Variants in KDM4C observed in about 807,000 individuals in gnomAD.
KDM4C encodes lysine demethylase 4C, also known as lysine-specific demethylase 4C.
In KDM4C, 81 loss-of-function variants were observed where a neutral mutation model predicts 129.3. That is an observed-to-expected ratio of 0.63 (90% confidence interval 0.52 to 0.75). KDM4C has a LOEUF of 0.75. KDM4C is among the 30% of genes least tolerant of loss of function. The pLI is 0.00. For synonymous variants in KDM4C, 573 were observed against 456.1 expected, an observed-to-expected ratio of 1.26 and a Z score of -3.26; for missense variants, 1,457 against 1,304.0, an observed-to-expected ratio of 1.12 and a Z score of -1.81.
At chr9:6,757,345 G>A (rs991628909), upstream of KDM4C, among the ~76,000 whole-genome samples, 16 of 152,168 alleles carry the variant, frequency 1.1e-4, no homozygotes, top group African/African-American at 3.6e-4. Context: ...GGCGGGTCGG[G>A]GCGGGACGTG....
chr9:6,833,521 C>A (rs562860402), intron 4 of KDM4C, among the ~76,000 whole-genome samples: 1 of 152,184 alleles, frequency 6.6e-6, no homozygotes, highest in African/African-American at 2.4e-5. Context: ...TTCATTCTCA[C>A]CCTTGAACCC....
At chr9:7,067,719 A>G (rs927639867) in intron 17 of KDM4C, among the ~76,000 whole-genome samples, 4 of 152,246 alleles carry the variant, frequency 2.6e-5, no homozygotes, top group African/African-American at 9.6e-5. Flanking sequence ...CGAAGTGTAT[A>G]AAATCCAAAA....
chr9:7,143,331 A>C (rs1379510592), intron 19 of KDM4C, among the ~76,000 whole-genome samples: 1 of 152,232 alleles, frequency 6.6e-6, no homozygotes, highest in South Asian at 2.1e-4. Flanking sequence ...TAATTGACCA[A>C]CTATTCAGTG....
At chr9:7,095,835 G>T (rs1003409065) in intron 17 of KDM4C, among the ~76,000 whole-genome samples, 5 of 152,178 alleles carry the variant, frequency 3.3e-5, no homozygotes, top group African/African-American at 1.2e-4. Flanking sequence ...AAATAATTCA[G>T]TAATTCTGAG....
intron 1 of KDM4C, among the ~76,000 whole-genome samples, chr9:6,738,097 C>T (rs1033101292): frequency 6.6e-6 from 1 of 151,610 alleles, no homozygotes; most frequent in Admixed American, 6.6e-5. Flanking sequence ...CACACCATTG[C>T]ACTCCAGCCT....
intron 16 of KDM4C, among the ~76,000 whole-genome samples, chr9:7,047,924 G>C (rs1006429692): frequency 6.6e-6 from 1 of 152,024 alleles, no homozygotes; most frequent in African/African-American, 2.4e-5. Context: ...TAATGTAATG[G>C]TGGATTTAGC....
chr9:7,135,632 T>G (rs540439536), intron 19 of KDM4C, among the ~76,000 whole-genome samples: 2 of 152,254 alleles, frequency 1.3e-5, no homozygotes, highest in African/African-American at 4.8e-5. Context: ...TTAGGCATCA[T>G]GGGGGATTCA....
intron 17 of KDM4C, among the ~76,000 whole-genome samples, chr9:7,052,209 CAT>C (rs776795149): frequency 1.3e-5 from 2 of 152,152 alleles, no homozygotes; most frequent in Non-Finnish European, 2.9e-5. Flanking sequence ...AGTCTGGTAA[CAT>C]GTGCATATCA....
chr9:6,785,717 C>G (rs1449923564), intron 1 of KDM4C, among the ~76,000 whole-genome samples: 1 of 152,236 alleles, frequency 6.6e-6, no homozygotes, highest in African/African-American at 2.4e-5. Context: ...AACTTGATTA[C>G]ATTTGCAAAA....
rs1178459239 is a variant in KDM4C, at chr9:6,849,635, A to G, written c.564A>G (p.Ala188=). The change falls in exon 5 of 22, where the codon GCA becomes GCG. Residue 188 remains alanine (A), a synonymous_variant. Transcript: ENST00000381309. ...TTGGCATGTGGAAGACCACGTTTGC[A>G]TGGCACACCGAAGACATGGACCTCT... ...LYFGMWKTTF[A]WHTEDMDLYS... 4 of 1,613,798 alleles carry G rather than the reference A, an allele frequency of 2.5e-6. No individual in the cohort carries two copies. Among genetic ancestry groups the G allele is most frequent in the African/African-American group, 1.3e-5 (1 of 74,924 alleles).
intron 8 of KDM4C, among the ~76,000 whole-genome samples, chr9:6,980,477 A>G (rs1352656237): frequency 6.6e-6 from 1 of 152,172 alleles, no homozygotes; most frequent in East Asian, 1.9e-4. Flanking sequence ...ATAATAAAAT[A>G]TATCTTAGAG....
rs1451132727 is a variant in KDM4C, at chr9:7,169,909, C to T, written c.2994+19C>T. On this transcript the variant is annotated intron_variant, in intron 21 of 21. Coordinates refer to ENST00000381309, the MANE Select transcript of KDM4C (RefSeq NM_015061.6). ...TCGATTTGTAAGTGCTGGCAGATGC[C>T]ACTTGGGGACCTGCCAAGTGAATTC... 9.9e-6 allele frequency: 16 copies of T among 1,613,576 alleles called. No homozygotes were observed. The highest frequency in any genetic ancestry group is 2.2e-5 in the South Asian group (2 of 91,030).
At chr9:6,880,982 A>T (rs1212545031) in intron 6 of KDM4C, among the ~76,000 whole-genome samples, 2 of 152,178 alleles carry the variant, frequency 1.3e-5, no homozygotes, top group Non-Finnish European at 2.9e-5. Context: ...CTGAGGAGCA[A>T]GGCCTTCTGC....
chr9:7,076,519 A>G, intron 17 of KDM4C: 1 of 1,546,002 alleles, frequency 6.5e-7, no homozygotes, highest in Non-Finnish European at 8.7e-7. Flanking sequence ...ATTCATTAGG[A>G]AAGTTACATC....
chr9:6,838,786 A>G (rs1417221077), intron 4 of KDM4C, among the ~76,000 whole-genome samples: 1 of 152,258 alleles, frequency 6.6e-6, no homozygotes, highest in East Asian at 1.9e-4. Context: ...CAAAAAAGCT[A>G]TCATGTCAAA....
At chr9:7,010,695 AT>A (rs1423517463) in intron 12 of KDM4C, among the ~76,000 whole-genome samples, 1 of 152,054 alleles carries the variant, frequency 6.6e-6, no homozygotes, top group Non-Finnish European at 1.5e-5. Context: ...GTCTTTCTGT[AT>A]TTTTCTGGTG....
chr9:7,135,908 A>G (rs1015530112), intron 19 of KDM4C, among the ~76,000 whole-genome samples: 6 of 152,156 alleles, frequency 3.9e-5, no homozygotes, highest in Non-Finnish European at 8.8e-5. Context: ...ATCCCAGCCC[A>G]CTGATGTATT....
intron 2 of KDM4C, 102 bp downstream of exon 2, chr9:6,793,234 T>G (rs1430799725): frequency 7.9e-7 from 1 of 1,265,582 alleles, no homozygotes; most frequent in Non-Finnish European, 1.1e-6. Context: ...GGAAGAAATT[T>G]GCAAAATCTT....
intron 8 of KDM4C, among the ~76,000 whole-genome samples, chr9:6,959,223 G>A (rs139159750): frequency 5.3e-5 from 8 of 152,282 alleles, no homozygotes; most frequent in African/African-American, 1.4e-4. Flanking sequence ...TGGTTTTATC[G>A]TCTGTTTGAA....
Sources: allele counts gnomAD v4.1 joint callset (sites outside exome capture counted in the v4.1 genomes callset), GRCh38; gene constraint gnomAD v4.1.1; transcripts MANE v1.5; gene names NCBI Gene and HGNC (gene_info 2026-07-23, HGNC 2026-07-21).